RFX4: variants seen among roughly 807,000 people sequenced by gnomAD.
RFX4 encodes the protein regulatory factor X4, also known as transcription factor RFX4.
Under a neutral mutation model 95.0 loss-of-function variants are expected in RFX4, and 10 were observed. That is an observed-to-expected ratio of 0.11 (90% CI 0.06 to 0.18). The LOEUF (loss-of-function observed/expected upper bound fraction) is 0.18. Among genes scored for constraint, RFX4 ranks in the 10% least tolerant of loss-of-function variants. The pLI is 1.00. For missense variants in RFX4, 640 were observed against 922.0 expected, an observed-to-expected ratio of 0.69 and a Z score of 3.96; for synonymous variants, 321 against 340.7, an observed-to-expected ratio of 0.94 and a Z score of 0.64.
chr12:106,683,612 G>C (rs2041578002), intron 5 of RFX4: 1 of 151,704 alleles, frequency 6.6e-6, no homozygotes, highest in Non-Finnish European at 1.5e-5. Context: ...TAAACACATA[G>C]TAGGCAATTC....
intron 8 of RFX4, among the ~76,000 whole-genome samples, chr12:106,703,162 A>G (rs906378835): frequency 3.3e-5 from 5 of 152,184 alleles, no homozygotes; most frequent in African/African-American, 1.2e-4. Flanking sequence ...TCCTTCTCTC[A>G]TTGGAGGTGC....
intron 11 of RFX4, 170 bp downstream of exon 11, chr12:106,715,714 T>C: frequency 2.7e-6 from 2 of 738,728 alleles, no homozygotes; most frequent in Non-Finnish European, 2.2e-6. Flanking sequence ...GAAGGGCTGA[T>C]TGACTTGAGA....
At chr12:106,597,090 C>T (rs61943265) in intron 1 of RFX4, among the ~76,000 whole-genome samples, 1 of 152,206 alleles carries the variant, frequency 6.6e-6, no homozygotes, top group African/African-American at 2.4e-5. Flanking sequence ...ATTTCTTTCC[C>T]TCCCTCCTTT....
At chr12:106,757,490 G>A (rs1266736179) in intron 17 of RFX4, among the ~76,000 whole-genome samples, 1 of 151,034 alleles carries the variant, frequency 6.6e-6, no homozygotes, top group African/African-American at 2.4e-5. Flanking sequence ...ACAGGTTGGA[G>A]TGAGCTGAAA....
chr12:106,627,470 G>A (rs531098790), intron 2 of RFX4, among the ~76,000 whole-genome samples: 1 of 152,290 alleles, frequency 6.6e-6, no homozygotes, highest in East Asian at 1.9e-4. Flanking sequence ...GGGAGGTGAA[G>A]AGGTTGCAGT....
At chr12:106,592,063 C>A (rs1468266788) in intron 1 of RFX4, among the ~76,000 whole-genome samples, 1 of 152,122 alleles carries the variant, frequency 6.6e-6, no homozygotes, top group African/African-American at 2.4e-5. Flanking sequence ...AGTAAGATTG[C>A]ACGTGTTAAG....
chr12:106,742,731 T>C (rs1053481964), intron 15 of RFX4, among the ~76,000 whole-genome samples: 13 of 152,302 alleles, frequency 8.5e-5, no homozygotes, highest in East Asian at 1.9e-4. Context: ...TGGGCAGACC[T>C]GCATTGAAAT....
chr12:106,761,566 T>G lies in RFX4; in HGVS notation c.*97T>G. The G allele has an allele frequency of 1.1e-6, 1 of 906,062 alleles. No homozygotes were observed. The highest frequency in any genetic ancestry group is 1.4e-6 in the Non-Finnish European group (1 of 699,994). The allele number at this position is 906,062 out of a possible 1,614,324, so 56.1% of individuals were successfully genotyped here. On this transcript the variant is annotated 3_prime_UTR_variant, in exon 18 of 18. Transcript: ENST00000392842. The stretch of plus-strand genomic sequence containing the variant: ...CCCCAGAAGACTTTATCTCTATACA[T>G]TGTAACTCATGGGCTATTCCTAAGT...
intron 4 of RFX4, among the ~76,000 whole-genome samples, chr12:106,665,656 C>A (rs2041160571): frequency 6.6e-6 from 1 of 151,688 alleles, no homozygotes; most frequent in South Asian, 2.1e-4. Flanking sequence ...ATATGTTATA[C>A]TTTAACATAA....
At chr12:106,629,469 G>GTTGTT (rs755121033) in intron 2 of RFX4, among the ~76,000 whole-genome samples, 170 of 152,082 alleles carry the variant, frequency 1.1e-3, no homozygotes, top group Non-Finnish European at 2.0e-3. Context: ...TGTTTGTTTT[G>GTTGTT]TTGTTTTGTT....
rs146617383 is a variant in RFX4, at chr12:106,668,345, C to A, written c.316-13648C>A. ...CCTCTTTAGACTCTTTCCCAGAGCT[C>A]AGCCCAGTGATTTTCCCTTACATCT... On this transcript the variant is annotated intron_variant, in intron 4 of 17. Coordinates refer to ENST00000392842, the MANE Select transcript of RFX4 (RefSeq NM_213594.3). Among the ~76,000 whole-genome samples the A allele has an allele frequency of 5.4e-3, 819 of 152,316 alleles. 5 individuals carry two copies. The highest frequency in any genetic ancestry group is 8.7e-3 in the Non-Finnish European group (590 of 68,020).
chr12:106,758,369 A>T (rs954276365), intron 17 of RFX4, among the ~76,000 whole-genome samples: 16 of 152,230 alleles, frequency 1.1e-4, no homozygotes, highest in African/African-American at 3.9e-4. Flanking sequence ...AGAATTTTCC[A>T]TGCTGGATTC....
intron 11 of RFX4, among the ~76,000 whole-genome samples, chr12:106,717,200 G>A (rs2042311228): frequency 6.6e-6 from 1 of 152,014 alleles, no homozygotes. Flanking sequence ...CAATGGGCCA[G>A]GCACAGAGCA....
intron 3 of RFX4, among the ~76,000 whole-genome samples, chr12:106,644,230 CTT>C (rs756140160): frequency 6.3e-4 from 81 of 128,376 alleles, no homozygotes; most frequent in Middle Eastern, 4.5e-3. Context: ...GCCATTTCCC[CTT>C]TTTTTTTTTT....
chr12:106,708,863 A>G lies in RFX4; in HGVS notation c.834-467A>G, dbSNP rs532355254. Among the ~76,000 whole-genome samples the G allele has an allele frequency of 5.3e-4, 81 of 152,304 alleles. 1 individual carries two copies. The highest frequency in any genetic ancestry group is 1.8e-3 in the African/African-American group (75 of 41,558). The stretch of plus-strand genomic sequence containing the variant: ...AAGGCCCATATCAGGGTTGTTTGCT[A>G]ATTTAAAAATATGCTGTTGCTTCCC... On this transcript the variant is annotated intron_variant, in intron 8 of 17. Coordinates refer to ENST00000392842, the MANE Select transcript of RFX4 (RefSeq NM_213594.3).
intron 4 of RFX4, among the ~76,000 whole-genome samples, chr12:106,674,321 CTCCATTTTCTT>C (rs931421753): frequency 2.0e-5 from 3 of 151,810 alleles, no homozygotes; most frequent in African/African-American, 7.3e-5. Flanking sequence ...ACATCCCCAC[CTCCATTTTCTT>C]TCTTTTTTTT....
intron 17 of RFX4, among the ~76,000 whole-genome samples, chr12:106,759,969 G>C (rs1007366091): frequency 1.3e-5 from 2 of 152,118 alleles, no homozygotes; most frequent in African/African-American, 4.8e-5. Flanking sequence ...CACAGAGGAA[G>C]AGCAGTTCCC....
At chr12:106,715,253 T>C (rs2042265446) in intron 10 of RFX4, 147 bp from the exon 11 acceptor site, 2 of 833,978 alleles carry the variant, frequency 2.4e-6, no homozygotes, top group Non-Finnish European at 3.7e-6. Context: ...CAGAGTCTTC[T>C]GGTGCTTTCC....
intron 2 of RFX4, among the ~76,000 whole-genome samples, chr12:106,625,330 T>G (rs1300532245): frequency 6.6e-6 from 1 of 152,230 alleles, no homozygotes; most frequent in Non-Finnish European, 1.5e-5. Flanking sequence ...TGATATTTTT[T>G]GATGGAATGC....
Sources: allele counts gnomAD v4.1 joint callset (sites outside exome capture counted in the v4.1 genomes callset), GRCh38; gene constraint gnomAD v4.1.1; transcripts MANE v1.5; gene names NCBI Gene and HGNC (gene_info 2026-07-23, HGNC 2026-07-21).